The following ZSCAN5A variants were observed in gnomAD, a reference collection of about 807,000 sequenced individuals.
The protein encoded by ZSCAN5A is zinc finger and SCAN domain-containing protein 5A.
A neutral mutation model predicts 23.7 loss-of-function variants in ZSCAN5A; 12 were observed. The ratio of observed to expected loss-of-function variants is 0.51; its 90% CI spans 0.32 to 0.82. The LOEUF (loss-of-function observed/expected upper bound fraction) is 0.82. Ranked by LOEUF, ZSCAN5A falls within the 40% of genes least tolerant of loss-of-function variation. The pLI, the probability that ZSCAN5A is intolerant of heterozygous loss-of-function variation, is 0.03. For synonymous variants in ZSCAN5A, 257 were observed against 239.9 expected (o/e 1.07, Z -0.66); for missense variants, 597 against 617.9 (o/e 0.97, Z 0.36).
At chr19:56,307,298 T>TGGG (rs2040753845) in intron 2 of ZSCAN5A, among the ~76,000 whole-genome samples, 1 of 152,032 alleles carries the variant, frequency 6.6e-6, no homozygotes, top group Non-Finnish European at 1.5e-5. Flanking sequence ...GATCATACGA[T>TGGG]ATACCCCCAC....
intron 2 of ZSCAN5A, among the ~76,000 whole-genome samples, chr19:56,356,430 G>A (rs965137145): frequency 1.3e-5 from 2 of 148,382 alleles, no homozygotes; most frequent in African/African-American, 5.1e-5. Flanking sequence ...CCTTGCAGCT[G>A]TGCTGGGGAG....
chr19:56,232,890 C>G (rs892900637), intron 2 of ZSCAN5A, among the ~76,000 whole-genome samples: 1 of 152,116 alleles, frequency 6.6e-6, no homozygotes, highest in Admixed American at 6.5e-5. Flanking sequence ...CCATGTTGCC[C>G]AGGCTGGTCT....
At chr19:56,237,789 C>T (rs1302730257) in intron 2 of ZSCAN5A, among the ~76,000 whole-genome samples, 6 of 151,826 alleles carry the variant, frequency 4.0e-5, no homozygotes, top group East Asian at 1.9e-4. Context: ...GCATGGGTGG[C>T]GCCTGTATTC....
chr19:56,231,673 A>G (rs1196508204), intron 2 of ZSCAN5A, among the ~76,000 whole-genome samples: 6 of 152,246 alleles, frequency 3.9e-5, no homozygotes, highest in Non-Finnish European at 8.8e-5. Flanking sequence ...TAATGTGTTT[A>G]TTGACATGAA....
At chr19:56,365,792 AT>A (rs2041760168) in intron 1 of ZSCAN5A, 1 of 152,226 alleles carries the variant, frequency 6.6e-6, no homozygotes, top group African/African-American at 2.4e-5. Flanking sequence ...CTGAACTCTA[AT>A]TGATGAATTG....
Position 56,221,599 on chromosome 19 carries a change from T to C in ZSCAN5A, c.1467A>G (p.Thr489=), listed in dbSNP as rs753302376. The C allele has an allele frequency of 6.2e-7, 1 of 1,604,550 alleles. No homozygotes were observed. The highest frequency in any genetic ancestry group is 1.1e-5 in the South Asian group (1 of 90,136). The stretch of plus-strand genomic sequence containing the variant: ...ATCACTGAGAAGTAGCTTCTGGATG[T>C]GTTTTCTGGTGGCGTCTTAACAATT... The part of the protein sequence containing the change: ...RLKLLRRHQK[T]HPEATSQ Residue 489 remains threonine, a synonymous_variant, in exon 6 of 6, where the codon ACA becomes ACG. Coordinates refer to ENST00000683990, the MANE Select transcript of ZSCAN5A (RefSeq NM_001322064.3).
intron 2 of ZSCAN5A, chr19:56,298,121 G>A (rs1053410300): frequency 3.3e-5 from 5 of 150,462 alleles, no homozygotes; most frequent in East Asian, 1.9e-4. Flanking sequence ...TTTGAAAAGC[G>A]TAATACAAAT....
chr19:56,243,920 ACTTCTGAACAGT>A (rs1194524276), intron 2 of ZSCAN5A: 3 of 494,880 alleles, frequency 6.1e-6, no homozygotes, highest in African/African-American at 3.9e-5. Context: ...TTTTTTGCAG[ACTTCTGAACAGT>A]GAATCTATTA....
chr19:56,323,931 G>A (rs1246999847), intron 2 of ZSCAN5A, among the ~76,000 whole-genome samples: 1 of 151,992 alleles, frequency 6.6e-6, no homozygotes, highest in East Asian at 1.9e-4. Flanking sequence ...TGATAAACCA[G>A]GACAATTGGG....
intron 2 of ZSCAN5A, among the ~76,000 whole-genome samples, chr19:56,355,916 T>A (rs2041698078): frequency 6.7e-6 from 1 of 148,794 alleles, no homozygotes; most frequent in South Asian, 2.1e-4. Flanking sequence ...GATTAGTATT[T>A]GGGAAGACAA....
intron 2 of ZSCAN5A, chr19:56,246,197 A>G (rs1006423309): frequency 6.6e-5 from 12 of 181,046 alleles, no homozygotes; most frequent in African/African-American, 2.9e-4. Context: ...GGAAGTCTGC[A>G]CGTATCCCTA....
chr19:56,352,810 C>T lies in ZSCAN5A; in HGVS notation c.-358+10425G>A, dbSNP rs542341028. The stretch of plus-strand genomic sequence containing the variant: ...GAAACTGGGTGCAACACAGTTTCAA[C>T]ACAGATGTCCAAAGTCCAGGCCTAG... On this transcript the variant is annotated intron_variant, in intron 2 of 6. Transcript: ENST00000587340. The surrounding 1 kb of genome is among the most constrained non-coding windows in gnomAD (Gnocchi z 4.2). 4.3e-4 allele frequency among the ~76,000 whole-genome samples: 66 copies of T among 152,288 alleles called. No homozygotes were observed. The highest frequency in any genetic ancestry group is 1.6e-3 in the African/African-American group (66 of 41,568).
chr19:56,354,617 C>T (rs2041690292), intron 2 of ZSCAN5A: 2 of 152,088 alleles, frequency 1.3e-5, no homozygotes, highest in African/African-American at 2.4e-5. Context: ...AAGGGAGATC[C>T]TAGTTGGGTC....
At chr19:56,259,083 C>T (rs554538736) in intron 2 of ZSCAN5A, among the ~76,000 whole-genome samples, 3 of 152,238 alleles carry the variant, frequency 2.0e-5, no homozygotes, top group South Asian at 2.1e-4. Context: ...AGCCCACCAC[C>T]GATTTCCTGA....
At chr19:56,239,898 T>G (rs12983979) in intron 2 of ZSCAN5A, among the ~76,000 whole-genome samples, 23,341 of 152,134 alleles carry the variant, frequency 0.15, 2,077 homozygotes, top group Non-Finnish European at 0.2. Context: ...GTGTGGTGGC[T>G]CACGCCTGTA....
chr19:56,296,734 G>A (rs534090876), intron 2 of ZSCAN5A, among the ~76,000 whole-genome samples: 5 of 151,958 alleles, frequency 3.3e-5, no homozygotes, highest in Non-Finnish European at 7.4e-5. Flanking sequence ...AACGCAGTGC[G>A]GGAAACTTAA....
intron 2 of ZSCAN5A, among the ~76,000 whole-genome samples, chr19:56,236,982 G>A (rs2034984675): frequency 1.3e-5 from 2 of 152,274 alleles, no homozygotes; most frequent in African/African-American, 2.4e-5. Flanking sequence ...GTCAGCCTCT[G>A]ACTGGTCGCA....
intron 2 of ZSCAN5A, chr19:56,296,536 C>A (rs1458139754): frequency 1.3e-5 from 2 of 151,970 alleles, no homozygotes; most frequent in Non-Finnish European, 2.9e-5. Context: ...CAGATATTAA[C>A]TGATGTTAGC....
At chr19:56,313,669 C>T (rs572223277) in intron 1 of ZSCAN5A, among the ~76,000 whole-genome samples, 41 of 152,290 alleles carry the variant, frequency 2.7e-4, no homozygotes, top group Admixed American at 5.9e-4. Context: ...AGGTTTCATA[C>T]GCTAACCAGA....
Sources: allele counts gnomAD v4.1 joint callset (sites outside exome capture counted in the v4.1 genomes callset), GRCh38; gene constraint gnomAD v4.1.1; non-coding constraint Gnocchi (gnomAD v3.1); transcripts MANE v1.5; gene names NCBI Gene and HGNC (gene_info 2026-07-23, HGNC 2026-07-21).